The following SDK1 variants were observed in gnomAD, a reference collection of about 807,000 sequenced individuals.
The protein encoded by SDK1 is sidekick cell adhesion molecule 1, also known as protein sidekick-1.
A neutral mutation model predicts 245.5 loss-of-function variants in SDK1; 157 were observed. The ratio of observed to expected loss-of-function variants is 0.64; its 90% confidence interval spans 0.56 to 0.73. The LOEUF (loss-of-function observed/expected upper bound fraction) is 0.73. SDK1 is among the 30% of genes least tolerant of loss of function. The pLI, the probability that SDK1 is intolerant of heterozygous loss-of-function variation, is 0.00. For synonymous variants in SDK1, 1,647 were observed against 1,278.5 expected (o/e 1.29, Z -6.15); for missense variants, 3,583 against 3,002.3 (o/e 1.19, Z -4.52).
At chr7:3,613,770 A>C (rs1003528443) in intron 1 of SDK1, among the ~76,000 whole-genome samples, 1 of 152,184 alleles carries the variant, frequency 6.6e-6, no homozygotes, top group Non-Finnish European at 1.5e-5. Context: ...TGTGGTACAT[A>C]TACACCATGG....
intron 4 of SDK1, among the ~76,000 whole-genome samples, chr7:3,665,634 G>A (rs564312595): frequency 1.3e-5 from 2 of 152,242 alleles, no homozygotes; most frequent in Admixed American, 6.5e-5. Context: ...TGGGGAGGGA[G>A]TGCCACAGCA....
chr7:3,422,931 C>T (rs1280272022), intron 1 of SDK1, among the ~76,000 whole-genome samples: 1 of 152,166 alleles, frequency 6.6e-6, no homozygotes. Flanking sequence ...TCATTTTACC[C>T]TGTATATCAG....
chr7:4,104,051 G>A (rs1782751960), intron 22 of SDK1, among the ~76,000 whole-genome samples: 1 of 152,260 alleles, frequency 6.6e-6, no homozygotes, highest in Non-Finnish European at 1.5e-5. Context: ...GCTGACTGCA[G>A]TACTAGAGCC....
chr7:3,692,929 A>C (rs1784475226), intron 4 of SDK1, among the ~76,000 whole-genome samples: 1 of 152,022 alleles, frequency 6.6e-6, no homozygotes, highest in South Asian at 2.1e-4. Flanking sequence ...GCATCTTGGT[A>C]ATTTAATATT....
At chr7:3,639,868 G>C (rs1031646175) in intron 3 of SDK1, among the ~76,000 whole-genome samples, 4 of 151,728 alleles carry the variant, frequency 2.6e-5, no homozygotes, top group African/African-American at 7.3e-5. Context: ...ATATATGTTT[G>C]AGATAGGGTC....
chr7:4,041,618 G>A (rs12155317), intron 17 of SDK1, among the ~76,000 whole-genome samples: 15,390 of 100,050 alleles, frequency 0.15, 5,173 homozygotes, highest in African/African-American at 0.64. Flanking sequence ...CCTGACTGCC[G>A]ACCCCCAGCA....
rs1780273493 is a variant in SDK1, at chr7:3,766,977, GC to G, written c.714-54472del. ...TTATATAGAGCATTGGGTTTTCGTA[GC>G]TATTTGGATTTGGAAATTAGGAGCA... On this transcript the variant is annotated intron_variant, in intron 4 of 44. Transcript: ENST00000404826. Among the ~76,000 whole-genome samples, 6 of 152,178 alleles carry G rather than the reference GC, an allele frequency of 3.9e-5. No homozygotes were observed. In the South Asian group the frequency reaches 1.0e-3, roughly 26 times the overall value.
intron 4 of SDK1, among the ~76,000 whole-genome samples, chr7:3,810,587 G>A (rs1304925024): frequency 1.3e-5 from 2 of 152,116 alleles, no homozygotes; most frequent in African/African-American, 4.8e-5. Context: ...AAGAAACATT[G>A]CTATAAATAA....
intron 5 of SDK1, among the ~76,000 whole-genome samples, chr7:3,834,262 A>G (rs1390481867): frequency 2.0e-5 from 3 of 152,188 alleles, no homozygotes; most frequent in Non-Finnish European, 4.4e-5. Flanking sequence ...TGAGCGTCTG[A>G]TACTTATCAG....
intron 1 of SDK1, among the ~76,000 whole-genome samples, chr7:3,457,489 A>G (rs1442849977): frequency 6.6e-6 from 1 of 152,094 alleles, no homozygotes; most frequent in Non-Finnish European, 1.5e-5. Context: ...TGGTGTGTAC[A>G]TCCTTATGAC....
At chr7:4,042,885 C>G (rs1054117567) in intron 17 of SDK1, among the ~76,000 whole-genome samples, 80 of 152,272 alleles carry the variant, frequency 5.3e-4, no homozygotes, top group Admixed American at 5.2e-3. Flanking sequence ...TTCCATTGTC[C>G]ACAAATTTCT....
intron 14 of SDK1, among the ~76,000 whole-genome samples, chr7:3,996,182 TC>T (rs1784686596): frequency 6.6e-6 from 1 of 152,208 alleles, no homozygotes; most frequent in African/African-American, 2.4e-5. Flanking sequence ...GGTGTCTCCC[TC>T]TTTTTATATT....
At chr7:3,458,289 C>T (rs564991971) in intron 1 of SDK1, among the ~76,000 whole-genome samples, 1 of 152,038 alleles carries the variant, frequency 6.6e-6, no homozygotes, top group South Asian at 2.1e-4. Flanking sequence ...TGTTGTCTCT[C>T]TTTTCTCTTT....
chr7:4,001,271 G>C (rs1368702403), intron 14 of SDK1, among the ~76,000 whole-genome samples: 3 of 152,208 alleles, frequency 2.0e-5, no homozygotes, highest in African/African-American at 7.2e-5. Flanking sequence ...GCCACCATTA[G>C]GATTGGTCTC....
chr7:3,942,482 C>A (rs1241841396), intron 5 of SDK1, among the ~76,000 whole-genome samples: 1 of 152,042 alleles, frequency 6.6e-6, no homozygotes, highest in South Asian at 2.1e-4. Context: ...ACAACACGAT[C>A]AAAAAATACT....
At chr7:3,501,841 ATGT>A (rs1192070235) in intron 1 of SDK1, among the ~76,000 whole-genome samples, 7 of 152,110 alleles carry the variant, frequency 4.6e-5, no homozygotes, top group Admixed American at 1.3e-4. Context: ...ATTACTCTTG[ATGT>A]TCTCTAAGAT....
chr7:3,909,773 G>T (rs565052598), intron 5 of SDK1, among the ~76,000 whole-genome samples: 58 of 152,290 alleles, frequency 3.8e-4, no homozygotes, highest in African/African-American at 1.4e-3. Context: ...CATGGTCGAT[G>T]GCTTTATCTT....
intron 1 of SDK1, among the ~76,000 whole-genome samples, chr7:3,404,182 C>T (rs1028148236): frequency 6.6e-6 from 1 of 151,822 alleles, no homozygotes; most frequent in African/African-American, 2.4e-5. Flanking sequence ...TGCCACAAAC[C>T]TCCAAAATTT....
intron 1 of SDK1, among the ~76,000 whole-genome samples, chr7:3,471,556 A>G (rs1781182437): frequency 6.6e-6 from 1 of 152,104 alleles, no homozygotes; most frequent in Non-Finnish European, 1.5e-5. Context: ...GATTCTTCAC[A>G]CCATTTAGAC....
Sources: allele counts gnomAD v4.1 joint callset (sites outside exome capture counted in the v4.1 genomes callset), GRCh38; gene constraint gnomAD v4.1.1; transcripts MANE v1.5; gene names NCBI Gene and HGNC (gene_info 2026-07-23, HGNC 2026-07-21).